Variants in GRIK3 observed in about 807,000 individuals in gnomAD.
GRIK3 encodes the protein glutamate ionotropic receptor kainate type subunit 3, also known as glutamate receptor ionotropic, kainate 3.
Under a neutral mutation model 102.5 loss-of-function variants are expected in GRIK3, and 29 were observed. The observed-to-expected ratio is 0.28, with a 90% CI of 0.21 to 0.39. The LOEUF (loss-of-function observed/expected upper bound fraction) is 0.39. Among genes scored for constraint, GRIK3 ranks in the 10% least tolerant of loss-of-function variants. GRIK3 has a pLI of 1.00. For synonymous variants in GRIK3, 511 were observed against 504.9 expected (o/e 1.01, Z -0.16); for missense variants, 908 against 1,252.4 (o/e 0.73, Z 4.15).
intron 1 of GRIK3, among the ~76,000 whole-genome samples, chr1:36,944,407 T>C (rs475292): frequency 0.07 from 10,637 of 152,106 alleles, 1,197 homozygotes; most frequent in African/African-American, 0.23. Context: ...TCCCACTCAT[T>C]TCTGTAGTCC....
chr1:36,987,685 C>A (rs1045553523), intron 1 of GRIK3, among the ~76,000 whole-genome samples: 6 of 152,142 alleles, frequency 3.9e-5, no homozygotes, highest in Non-Finnish European at 5.9e-5. Context: ...GCAGCAAAAT[C>A]CTGCTGGCAT....
chr1:36,948,526 G>T (rs1400492021), intron 1 of GRIK3, among the ~76,000 whole-genome samples: 1 of 152,134 alleles, frequency 6.6e-6, no homozygotes, highest in East Asian at 1.9e-4. Context: ...AAAGAAAGAG[G>T]CAACCCCTGC....
intron 1 of GRIK3, among the ~76,000 whole-genome samples, chr1:36,982,730 C>T (rs377459349): frequency 2.0e-5 from 3 of 151,198 alleles, no homozygotes; most frequent in Admixed American, 6.6e-5. Context: ...GGCAGCCCAG[C>T]GACCGGGGTC....
At chr1:36,866,845 G>A (rs1050138460) in intron 5 of GRIK3, among the ~76,000 whole-genome samples, 2 of 152,156 alleles carry the variant, frequency 1.3e-5, no homozygotes, top group East Asian at 1.9e-4. Context: ...TCATCCATCC[G>A]TCCATCCATC....
chr1:36,991,618 C>T lies in GRIK3; in HGVS notation c.115+42376G>A, dbSNP rs574849537. Among the ~76,000 whole-genome samples the T allele has an allele frequency of 7.9e-5, 12 of 152,338 alleles. No homozygotes were observed. In the South Asian group the frequency reaches 1.2e-3, roughly 16 times the overall value. ...ACCACCAGCCAGGGAGAGACTGGAA[C>T]GCCAACTCATGTCTCACTGACTCCA... On this transcript the variant is annotated intron_variant, in intron 1 of 15. Coordinates refer to ENST00000373091, the MANE Select transcript of GRIK3 (RefSeq NM_000831.4).
chr1:37,010,550 C>T (rs1376691264), intron 1 of GRIK3, among the ~76,000 whole-genome samples: 11 of 152,036 alleles, frequency 7.2e-5, no homozygotes, highest in African/African-American at 2.7e-4. Context: ...GAAGGGGGTG[C>T]TATTCATAAT....
At chr1:36,985,723 C>T (rs1441414556) in intron 1 of GRIK3, among the ~76,000 whole-genome samples, 1 of 152,150 alleles carries the variant, frequency 6.6e-6, no homozygotes, top group African/African-American at 2.4e-5. Context: ...GGCAACTCTT[C>T]AGAGGCTATG....
intron 5 of GRIK3, among the ~76,000 whole-genome samples, chr1:36,869,033 C>T (rs1232241549): frequency 6.6e-6 from 1 of 152,216 alleles, no homozygotes; most frequent in Non-Finnish European, 1.5e-5. Flanking sequence ...AATAGTCTGC[C>T]CAGGGCCCCA....
At position 36,939,482 on chromosome 1, in the gene GRIK3, G is replaced by A. The variant is rs558582417; in HGVS notation, c.116-48386C>T. On this transcript the variant is annotated intron_variant, in intron 1 of 15. Coordinates refer to ENST00000373091, the MANE Select transcript of GRIK3 (RefSeq NM_000831.4). ...CTAGAACTGCATGCAGAAGGCAGAC[G>A]GGAGCCTCCTAGGAGGGATCATTTA... Among the ~76,000 whole-genome samples the A allele has an allele frequency of 1.1e-4, 17 of 152,254 alleles. No homozygotes were observed. The South Asian group carries it at 2.5e-3, about 22-fold the overall frequency.
chr1:36,934,831 T>A (rs1641637478), intron 1 of GRIK3, among the ~76,000 whole-genome samples: 1 of 152,176 alleles, frequency 6.6e-6, no homozygotes, highest in African/African-American at 2.4e-5. Context: ...AAAGTTCCAA[T>A]CCCAAGGCAA....
chr1:36,819,674 G>T lies in GRIK3; in HGVS notation c.1873+62C>A. Reference sequence around the variant, plus strand: ...GGGCTGGCTCTGCTGATGCCAAAGAGGCTGAAGACCGCTTGGGGAAAGCAG... The same window carrying T: ...GGGCTGGCTCTGCTGATGCCAAAGATGCTGAAGACCGCTTGGGGAAAGCAG... On this transcript the variant is annotated intron_variant, in intron 12 of 15. Transcript: ENST00000373091. This position sits in a 1 kb window ranked among gnomAD's most constrained non-coding sequence, Gnocchi z 4.1. The T allele has an allele frequency of 2.3e-6, 2 of 874,146 alleles. No individual in the cohort carries two copies. The highest frequency in any genetic ancestry group is 2.7e-5 in the South Asian group (2 of 74,256). 54.1% of individuals were successfully genotyped at this position (874,146 alleles called of 1,614,324 possible).
At chr1:36,925,267 T>C (rs1352136561) in intron 1 of GRIK3, among the ~76,000 whole-genome samples, 1 of 152,194 alleles carries the variant, frequency 6.6e-6, no homozygotes, top group Non-Finnish European at 1.5e-5. Flanking sequence ...TACACACATG[T>C]GCAGACACAC....
At chr1:36,818,255 G>A (rs1177524585) in intron 12 of GRIK3, among the ~76,000 whole-genome samples, 1 of 152,208 alleles carries the variant, frequency 6.6e-6, no homozygotes, top group Non-Finnish European at 1.5e-5. Context: ...TGGAAGAGGA[G>A]AAGCTATTAC....
intron 1 of GRIK3, among the ~76,000 whole-genome samples, chr1:36,969,712 T>G (rs574943486): frequency 6.6e-6 from 1 of 152,204 alleles, no homozygotes; most frequent in Non-Finnish European, 1.5e-5. Context: ...ATAAGTGAAA[T>G]TCACCAAGGG....
chr1:36,870,489 C>T (rs1640830903), intron 4 of GRIK3, among the ~76,000 whole-genome samples: 2 of 152,220 alleles, frequency 1.3e-5, no homozygotes, highest in South Asian at 4.1e-4. Context: ...ATGCTGGGCC[C>T]ACAGAGGGCT....
At chr1:37,020,203 C>T (rs146874946) in intron 1 of GRIK3, among the ~76,000 whole-genome samples, 62 of 152,262 alleles carry the variant, frequency 4.1e-4, no homozygotes, top group African/African-American at 1.3e-3. Flanking sequence ...CTGGGAGAGG[C>T]TTTGTCAATG....
chr1:36,808,247 G>A (rs886751030), intron 13 of GRIK3, among the ~76,000 whole-genome samples: 1 of 152,128 alleles, frequency 6.6e-6, no homozygotes, highest in African/African-American at 2.4e-5. Flanking sequence ...TTCTTACTCT[G>A]CTACGCTGTC....
intron 1 of GRIK3, among the ~76,000 whole-genome samples, chr1:36,974,850 T>G (rs57214716): frequency 6.7e-6 from 1 of 149,984 alleles, no homozygotes; most frequent in East Asian, 1.9e-4. Flanking sequence ...CATGCTACAA[T>G]ATGGATTAAC....
intron 9 of GRIK3, chr1:36,849,813 TGGG>T: frequency 6.4e-6 from 1 of 155,584 alleles, no homozygotes; most frequent in South Asian, 2.0e-4. Context: ...AGAGAGAAGA[TGGG>T]GTGTGATTCC....
Sources: gnomAD v4.1 joint callset for allele counts (sites outside exome capture counted in the v4.1 genomes callset) on GRCh38, gnomAD v4.1.1 for gene constraint, Gnocchi (gnomAD v3.1) non-coding constraint, MANE v1.5 for transcripts, NCBI Gene and HGNC (gene_info 2026-07-23, HGNC 2026-07-21) for gene names.